The following BOC variants were observed in gnomAD, a reference collection of about 807,000 sequenced individuals.
BOC encodes brother of CDO.
Under a neutral mutation model 112.0 loss-of-function variants are expected in BOC, and 76 were observed. The observed-to-expected ratio is 0.68, with a 90% CI of 0.56 to 0.82. BOC has a LOEUF of 0.82. BOC is among the 40% of genes least tolerant of loss of function. The pLI is 0.00. For synonymous variants in BOC, 580 were observed against 599.8 expected (o/e 0.97, Z 0.48); for missense variants, 1,309 against 1,511.7 (o/e 0.87, Z 2.22).
chr3:113,280,278 CT>C (rs1157680885), intron 13 of BOC, among the ~76,000 whole-genome samples: 2 of 151,982 alleles, frequency 1.3e-5, no homozygotes, highest in Non-Finnish European at 2.9e-5. Context: ...ACAGGGGCCC[CT>C]CACATGTCCA....
chr3:113,279,735 A>AC, intron 12 of BOC, 89 bp from the exon 13 acceptor site: 2 of 1,374,172 alleles, frequency 1.5e-6, no homozygotes, highest in African/African-American at 1.5e-5. Flanking sequence ...TGCCCAGAAG[A>AC]CCCCTCCAGG....
chr3:113,229,521 A>G (rs956456404), intron 2 of BOC, among the ~76,000 whole-genome samples: 3 of 152,162 alleles, frequency 2.0e-5, no homozygotes, highest in Non-Finnish European at 4.4e-5. Context: ...CACCTTTGCT[A>G]CTGTAGAGGC....
At position 113,232,885 on chromosome 3, in the gene BOC, G is replaced by T. The variant is rs73235138; in HGVS notation, c.-82+16611G>T. Among the ~76,000 whole-genome samples the T allele has an allele frequency of 8.0e-3, 1,222 of 152,250 alleles. 14 individuals carry two copies. Among genetic ancestry groups the T allele is most frequent in the Non-Finnish European group, 0.011 (746 of 68,018 alleles). On this transcript the variant is annotated intron_variant, in intron 2 of 19. Transcript: ENST00000682979. Reference sequence around the variant, plus strand: ...ACTAATGTGATCTGTTTTTCCTTCAGCATCCCTATGCGAGTTGATTTTGTT... The same window carrying T: ...ACTAATGTGATCTGTTTTTCCTTCATCATCCCTATGCGAGTTGATTTTGTT...
At chr3:113,277,808 A>T (rs1948806153) in intron 9 of BOC, among the ~76,000 whole-genome samples, 1 of 152,204 alleles carries the variant, frequency 6.6e-6, no homozygotes, top group Non-Finnish European at 1.5e-5. Context: ...AGGTCTTTGG[A>T]GGAGTTCTCA....
At chr3:113,279,661 A>G (rs1949003113) in intron 12 of BOC, 163 bp from the exon 13 acceptor site, 3 of 865,694 alleles carry the variant, frequency 3.5e-6, no homozygotes, top group African/African-American at 3.4e-5. Context: ...TCTCCCCTGC[A>G]GCTCAGCTCT....
intron 7 of BOC, 95 bp from the exon 8 acceptor site, chr3:113,272,974 G>T: frequency 2.1e-6 from 3 of 1,457,604 alleles, no homozygotes; most frequent in Non-Finnish European, 2.8e-6. Flanking sequence ...CAGCCAAAGG[G>T]CAGGGGAGCT....
Position 113,283,466 on chromosome 3 carries a change from AC to A in BOC, c.2491del (p.Gln831SerfsTer8). The A allele has an allele frequency of 6.2e-7, 1 of 1,613,526 alleles. No individual in the cohort carries two copies. The highest frequency in any genetic ancestry group is 2.2e-5 in the East Asian group (1 of 44,834). On this transcript the variant is annotated frameshift_variant, in exon 16 of 20. Transcript: ENST00000682979. LOFTEE classifies it high-confidence loss of function. ...TGCCACCCCCAACTCTGGCCCCACCACAGCCGCCCCTTCCTGAAACCATAGA... is the reference window on the plus strand; with the variant it reads ...TGCCACCCCCAACTCTGGCCCCACCAAGCCGCCCCTTCCTGAAACCATAGA... The part of the protein sequence containing the change: ...RLPPPTLAPP[Q>X]PPLPETIERP...
intron 4 of BOC, among the ~76,000 whole-genome samples, chr3:113,257,970 C>T (rs1009895113): frequency 7.2e-5 from 11 of 152,220 alleles, no homozygotes; most frequent in Admixed American, 5.9e-4. Context: ...GAACATCTCT[C>T]AGTCTAATGG....
At chr3:113,268,277 G>T (rs1003816507) in intron 4 of BOC, 22 bp from the exon 5 acceptor site, 4 of 1,613,604 alleles carry the variant, frequency 2.5e-6, no homozygotes, top group Non-Finnish European at 3.4e-6. Context: ...CCTCCAACCA[G>T]CACCTTCCCT....
At chr3:113,227,136 T>C (rs922389030) in intron 2 of BOC, among the ~76,000 whole-genome samples, 1 of 152,242 alleles carries the variant, frequency 6.6e-6, no homozygotes, top group East Asian at 1.9e-4. Flanking sequence ...GATGAGCTGC[T>C]GATTTATAAT....
chr3:113,216,534 T>C (rs1206063852), intron 2 of BOC: 1 of 259,022 alleles, frequency 3.9e-6, no homozygotes, highest in African/African-American at 2.2e-5. Context: ...CCGTTTACTA[T>C]GGGATTTGGA....
At chr3:113,272,875 A>T (rs1194217781) in intron 7 of BOC, among the ~76,000 whole-genome samples, 172 bp downstream of exon 7, 1 of 151,992 alleles carries the variant, frequency 6.6e-6, no homozygotes, top group African/African-American at 2.4e-5. Flanking sequence ...GAGTAAGAGC[A>T]CGCAGTCCTG....
At chr3:113,237,211 A>G (rs1943681753) in intron 2 of BOC, among the ~76,000 whole-genome samples, 1 of 152,170 alleles carries the variant, frequency 6.6e-6, no homozygotes, top group Non-Finnish European at 1.5e-5. Flanking sequence ...GTAAAGATTA[A>G]AAGTGTTGGT....
chr3:113,212,200 G>T lies in BOC; in HGVS notation c.-170+184G>T, dbSNP rs561046043. On this transcript the variant is annotated intron_variant, in intron 1 of 19. Transcript: ENST00000682979. ...GGCCGGGCGCCCGGGGCTGGGAGCT[G>T]CGGCCGAGGCTGGGCGCGCCGGGCG... 633 of 151,078 alleles carry T rather than the reference G, an allele frequency of 4.2e-3. 3 individuals are homozygous for T. The highest frequency in any genetic ancestry group is 0.014 in the Middle Eastern group (4 of 294). 9.4% of individuals were successfully genotyped at this position (151,078 alleles called of 1,614,324 possible). A position where few individuals can be genotyped will look rare whatever the true frequency, so the allele number is the denominator to read the frequency against.
intron 4 of BOC, among the ~76,000 whole-genome samples, chr3:113,265,481 C>T (rs565028635): frequency 6.6e-6 from 1 of 152,274 alleles, no homozygotes; most frequent in African/African-American, 2.4e-5. Context: ...TCACAGCTCA[C>T]AATCATTCAC....
At chr3:113,248,410 A>C (rs1006451862) in intron 2 of BOC, among the ~76,000 whole-genome samples, 2 of 152,324 alleles carry the variant, frequency 1.3e-5, no homozygotes. Context: ...TAAATCTTCG[A>C]GAGAGTCTCT....
At chr3:113,286,230 A>AATT (rs909069596) in intron 19 of BOC, among the ~76,000 whole-genome samples, 3 of 152,096 alleles carry the variant, frequency 2.0e-5, no homozygotes, top group Non-Finnish European at 4.4e-5. Context: ...TAGGAGATTA[A>AATT]ATTTAAAAGA....
intron 2 of BOC, among the ~76,000 whole-genome samples, chr3:113,221,478 GCTT>G (rs1940641435): frequency 1.3e-5 from 2 of 152,186 alleles, no homozygotes; most frequent in Admixed American, 1.3e-4. Flanking sequence ...CTTCCCCTCT[GCTT>G]CTTCCCCAAC....
chr3:113,268,356 C>T lies in BOC; in HGVS notation c.434C>T (p.Thr145Ile). The T allele has an allele frequency of 2.5e-6, 4 of 1,614,162 alleles. No individual in the cohort carries two copies. Among genetic ancestry groups the T allele is most frequent in the Non-Finnish European group, 3.4e-6 (4 of 1,180,020 alleles). Residue 145 changes from threonine (T) to isoleucine (I), a missense_variant, in exon 5 of 20, where the codon ACA becomes ATA. By Grantham distance (89) the Thr-to-Ile change is moderately conservative. Transcript: ENST00000682979. ...QHVIEVDEGN[T>I]AVIACHLPES... Reference sequence around the variant, plus strand: ...GTGATTGAAGTGGATGAGGGAAACACAGCAGTCATTGCCTGCCACCTGCCT... The same window carrying T: ...GTGATTGAAGTGGATGAGGGAAACATAGCAGTCATTGCCTGCCACCTGCCT...
Sources: gnomAD v4.1 joint callset for allele counts (sites outside exome capture counted in the v4.1 genomes callset) on GRCh38, gnomAD v4.1.1 for gene constraint, MANE v1.5 for transcripts, NCBI Gene and HGNC (gene_info 2026-07-23, HGNC 2026-07-21) for gene names.